Variants in SLCO6A1 observed in about 807,000 individuals in gnomAD.
SLCO6A1 encodes solute carrier organic anion transporter family member 6A1.
A neutral mutation model predicts 72.7 loss-of-function variants in SLCO6A1; 65 were observed. That is an observed-to-expected ratio of 0.89 (90% confidence interval 0.73 to 1.10). The LOEUF is 1.10. SLCO6A1 is among the 50% of genes least tolerant of loss of function. SLCO6A1 has a pLI of 0.00. For synonymous variants in SLCO6A1, 314 were observed against 298.2 expected (o/e 1.05, Z -0.55); for missense variants, 874 against 872.6 (o/e 1.00, Z -0.02).
chr5:102,380,167 C>G (rs1392770640), intron 12 of SLCO6A1, among the ~76,000 whole-genome samples: 1 of 151,708 alleles, frequency 6.6e-6, no homozygotes. Context: ...AAGTGTTGAG[C>G]CATATATTTA....
chr5:102,416,460 G>A (rs1748291608), intron 8 of SLCO6A1, among the ~76,000 whole-genome samples: 2 of 152,072 alleles, frequency 1.3e-5, no homozygotes, highest in African/African-American at 2.4e-5. Context: ...ATTATCTTAA[G>A]TGAAACAAGC....
Position 102,495,843 on chromosome 5 carries a change from T to C in SLCO6A1, c.358+2644A>G, listed in dbSNP as rs150642809. On this transcript the variant is annotated intron_variant, in intron 1 of 13. Transcript: ENST00000506729. ...TCAGAAAACATCAAACAGACCCAGA[T>C]TGAAGCTCATCCTGCACTACAAAAA... Among the ~76,000 whole-genome samples, 627 of 152,170 alleles carry C rather than the reference T, an allele frequency of 4.1e-3. 10 individuals carry two copies. The highest frequency in any genetic ancestry group is 0.014 in the African/African-American group (600 of 41,500).
At chr5:102,444,514 A>G (rs537365469) in intron 6 of SLCO6A1, among the ~76,000 whole-genome samples, 4 of 152,346 alleles carry the variant, frequency 2.6e-5, no homozygotes, top group African/African-American at 7.2e-5. Flanking sequence ...CTAAATAGCC[A>G]TAATTAGCCA....
At chr5:102,435,591 A>T (rs1310302096) in intron 7 of SLCO6A1, among the ~76,000 whole-genome samples, 1 of 152,162 alleles carries the variant, frequency 6.6e-6, no homozygotes, top group African/African-American at 2.4e-5. Context: ...AAAGGTTATC[A>T]GGACCAGGTG....
chr5:102,453,229 T>C (rs1044827190), intron 6 of SLCO6A1, among the ~76,000 whole-genome samples: 1 of 151,870 alleles, frequency 6.6e-6, no homozygotes, highest in Non-Finnish European at 1.5e-5. Context: ...TATGGTGATG[T>C]GCACCTACGG....
intron 11 of SLCO6A1, 109 bp downstream of exon 11, chr5:102,390,872 C>A: frequency 2.2e-6 from 2 of 906,782 alleles, no homozygotes; most frequent in South Asian, 1.8e-5. Context: ...CCCTTTCACT[C>A]GCTTTGTGTC....
intron 9 of SLCO6A1, 28 bp from the exon 10 acceptor site, chr5:102,399,770 C>G: frequency 6.9e-7 from 1 of 1,446,488 alleles, no homozygotes; most frequent in Non-Finnish European, 9.2e-7. Context: ...AGGAAACAAT[C>G]TTTCAGAAAA....
chr5:102,450,256 C>A (rs1195000210), intron 6 of SLCO6A1, among the ~76,000 whole-genome samples: 2 of 152,178 alleles, frequency 1.3e-5, no homozygotes, highest in African/African-American at 4.8e-5. Context: ...TGTGTGTGGG[C>A]TATGTTCCTT....
chr5:102,444,609 T>A (rs1750011716), intron 6 of SLCO6A1, among the ~76,000 whole-genome samples: 1 of 152,200 alleles, frequency 6.6e-6, no homozygotes, highest in Admixed American at 6.5e-5. Flanking sequence ...AATTTAAATT[T>A]TTTTTTGCTA....
At chr5:102,411,474 A>C (rs568645005) in intron 9 of SLCO6A1, among the ~76,000 whole-genome samples, 1 of 152,218 alleles carries the variant, frequency 6.6e-6, no homozygotes, top group African/African-American at 2.4e-5. Flanking sequence ...CATGTTGCCC[A>C]GGCTGGTCCC....
intron 7 of SLCO6A1, among the ~76,000 whole-genome samples, chr5:102,434,876 C>T (rs1259119644): frequency 6.6e-6 from 1 of 152,016 alleles, no homozygotes; most frequent in Non-Finnish European, 1.5e-5. Context: ...ACAGTTCCAG[C>T]AATGTGCAAT....
chr5:102,485,498 G>A (rs915386069), intron 1 of SLCO6A1, among the ~76,000 whole-genome samples: 3 of 152,090 alleles, frequency 2.0e-5, no homozygotes, highest in Non-Finnish European at 4.4e-5. Context: ...TGTGGGTGTG[G>A]AGTCTGAGTA....
chr5:102,396,120 C>T (rs968033279), intron 10 of SLCO6A1, among the ~76,000 whole-genome samples: 2 of 152,100 alleles, frequency 1.3e-5, no homozygotes, highest in Non-Finnish European at 2.9e-5. Context: ...CTTGCCCATG[C>T]CTATGTGCTG....
Position 102,498,492 on chromosome 5 carries a change from C to A in SLCO6A1, c.353G>T (p.Cys118Phe). 4.3e-6 allele frequency: 7 copies of A among 1,611,998 alleles called. No homozygotes were observed. Among genetic ancestry groups the A allele is most frequent in the Non-Finnish European group, 5.9e-6 (7 of 1,178,882 alleles). The change falls in exon 1 of 14, where the codon TGT becomes TTT. Residue 118 changes from cysteine (C) to phenylalanine (F), a missense_variant. Coordinates refer to ENST00000506729, the MANE Select transcript of SLCO6A1 (RefSeq NM_173488.5). The part of the protein sequence containing the change: ...FMIFYCILLI[C>F]QGVVFGLIDV... ...ACCGCCTCCTTCAGGCTCACCTTGA[C>A]ATATGAGCAGGATGCAGTAGAAAAT...
intron 6 of SLCO6A1, among the ~76,000 whole-genome samples, chr5:102,441,602 T>G (rs1307409243): frequency 6.6e-6 from 1 of 152,098 alleles, no homozygotes; most frequent in Non-Finnish European, 1.5e-5. Flanking sequence ...TGCCATAGTA[T>G]TGATTATACT....
chr5:102,495,370 G>T (rs1298732648), intron 1 of SLCO6A1, among the ~76,000 whole-genome samples: 1 of 152,146 alleles, frequency 6.6e-6, no homozygotes, highest in African/African-American at 2.4e-5. Flanking sequence ...GCGGTGGGCG[G>T]ATCACCAGAA....
At chr5:102,467,007 G>A (rs1318425522) in intron 4 of SLCO6A1, among the ~76,000 whole-genome samples, 4 of 152,112 alleles carry the variant, frequency 2.6e-5, no homozygotes, top group Non-Finnish European at 5.9e-5. Context: ...CTGTGCAGAA[G>A]CTCTTTAGTT....
intron 1 of SLCO6A1, among the ~76,000 whole-genome samples, chr5:102,484,289 A>G (rs1371586080): frequency 6.6e-6 from 1 of 152,054 alleles, no homozygotes; most frequent in Non-Finnish European, 1.5e-5. Context: ...TCCATCTTTG[A>G]GGGTTCGTTA....
chr5:102,393,485 G>A (rs760841276), intron 10 of SLCO6A1, among the ~76,000 whole-genome samples: 13 of 152,024 alleles, frequency 8.6e-5, no homozygotes, highest in Non-Finnish European at 1.8e-4. Context: ...ATCCTTCAGG[G>A]TTTGGTTCAA....
Sources: allele counts gnomAD v4.1 joint callset (sites outside exome capture counted in the v4.1 genomes callset), GRCh38; gene constraint gnomAD v4.1.1; transcripts MANE v1.5; gene names NCBI Gene and HGNC (gene_info 2026-07-23, HGNC 2026-07-21).